The following CDH22 variants were observed in gnomAD, a reference collection of about 807,000 sequenced individuals.
CDH22 encodes cadherin 22.
In CDH22, 30 loss-of-function variants were observed where a neutral mutation model predicts 58.4. The ratio of observed to expected loss-of-function variants is 0.51; its 90% confidence interval spans 0.38 to 0.70. CDH22 has a LOEUF of 0.70. CDH22 is among the 30% of genes least tolerant of loss of function. The probability of loss-of-function intolerance (pLI) is 0.00; values close to 1 mark genes in which losing one functional copy is unlikely to be tolerated. For missense variants in CDH22, 1,014 were observed against 1,233.9 expected, an observed-to-expected ratio of 0.82 and a Z score of 2.67; for synonymous variants, 513 against 558.2, an observed-to-expected ratio of 0.92 and a Z score of 1.14.
chr20:46,255,598 C>T (rs1214831222), intron 1 of CDH22, among the ~76,000 whole-genome samples: 5 of 152,166 alleles, frequency 3.3e-5, no homozygotes, highest in Non-Finnish European at 4.4e-5. Context: ...GCCCTTCATA[C>T]CTCAGCCTAC....
chr20:46,214,977 A>G (rs1367648204), intron 5 of CDH22, among the ~76,000 whole-genome samples: 1 of 152,260 alleles, frequency 6.6e-6, no homozygotes, highest in Non-Finnish European at 1.5e-5. Flanking sequence ...TGTATGAATG[A>G]AAACCAGCAT....
intron 8 of CDH22, among the ~76,000 whole-genome samples, chr20:46,199,031 A>G (rs1174341506): frequency 6.6e-6 from 1 of 152,044 alleles, no homozygotes; most frequent in Non-Finnish European, 1.5e-5. Context: ...TGTTCTCCCT[A>G]TGAGGACAGA....
intron 4 of CDH22, among the ~76,000 whole-genome samples, chr20:46,221,374 G>T (rs1028972081): frequency 1.3e-5 from 2 of 148,154 alleles, no homozygotes; most frequent in African/African-American, 5.0e-5. Context: ...GCTTACTCAC[G>T]CATCTGAGCC....
At chr20:46,244,441 T>G (rs1043942061) in intron 2 of CDH22, among the ~76,000 whole-genome samples, 1 of 152,224 alleles carries the variant, frequency 6.6e-6, no homozygotes, top group Non-Finnish European at 1.5e-5. Context: ...CCTCTGGCTC[T>G]GCCCTAGGAA....
chr20:46,183,495 C>T (rs778658246), intron 10 of CDH22, among the ~76,000 whole-genome samples: 24 of 152,170 alleles, frequency 1.6e-4, no homozygotes, highest in Non-Finnish European at 2.8e-4. Flanking sequence ...GTGGTGCGAT[C>T]GTGGCTCAAT....
At chr20:46,264,787 C>T (rs2086450061) in intron 1 of CDH22, among the ~76,000 whole-genome samples, 3 of 152,032 alleles carry the variant, frequency 2.0e-5, no homozygotes, top group South Asian at 2.1e-4. Flanking sequence ...CCTGACCTCC[C>T]GTGCAAATTA....
rs536614609 is a variant in CDH22 at position 46,227,652 on chromosome 20, C to G, written c.551-25G>C. ...CCTGGGCCCGGGGGACCAAGCGAGA[C>G]AGGGGTCATCTGGGGCTGCGGAGCT... On this transcript the variant is annotated intron_variant, in intron 3 of 11. Coordinates refer to ENST00000537909, the MANE Select transcript of CDH22 (RefSeq NM_021248.3). 50 of 1,598,544 alleles carry G rather than the reference C, an allele frequency of 3.1e-5. No homozygotes were observed. In the East Asian group the frequency reaches 5.3e-4, roughly 17 times the overall value.
At chr20:46,260,682 C>T (rs1030259667) in intron 1 of CDH22, among the ~76,000 whole-genome samples, 12 of 152,230 alleles carry the variant, frequency 7.9e-5, no homozygotes, top group African/African-American at 2.9e-4. Flanking sequence ...GCTTGCACTT[C>T]CGGAGTCTGG....
intron 1 of CDH22, among the ~76,000 whole-genome samples, chr20:46,262,443 A>G (rs899602460): frequency 6.6e-6 from 1 of 152,040 alleles, no homozygotes; most frequent in East Asian, 1.9e-4. Flanking sequence ...ATGCTGCCGC[A>G]CAGGTCTTCA....
chr20:46,232,408 C>T (rs1432402531), intron 3 of CDH22, among the ~76,000 whole-genome samples: 1 of 152,290 alleles, frequency 6.6e-6, no homozygotes, highest in East Asian at 1.9e-4. Flanking sequence ...GGAGATAACA[C>T]TTTATCATTC....
chr20:46,277,428 C>G (rs1338271473), intron 1 of CDH22, among the ~76,000 whole-genome samples: 1 of 152,132 alleles, frequency 6.6e-6, no homozygotes, highest in Non-Finnish European at 1.5e-5. Flanking sequence ...CACACCACGT[C>G]TATTTTTGCA....
At chr20:46,213,222 G>A in intron 5 of CDH22, 34 bp from the exon 6 acceptor site, 2 of 1,590,044 alleles carry the variant, frequency 1.3e-6, no homozygotes, top group Non-Finnish European at 8.6e-7. Context: ...AGGGATGAAG[G>A]CAGCCCCTTC....
chr20:46,293,503 G>A (rs1354672618), intron 1 of CDH22, among the ~76,000 whole-genome samples: 1 of 151,992 alleles, frequency 6.6e-6, no homozygotes, highest in Non-Finnish European at 1.5e-5. Context: ...GGGTGGCTGG[G>A]GGTAGGGGGA....
chr20:46,265,207 C>T (rs2086453344), intron 1 of CDH22, among the ~76,000 whole-genome samples: 1 of 152,214 alleles, frequency 6.6e-6, no homozygotes, highest in South Asian at 2.1e-4. Context: ...TTCCATTTTA[C>T]AAACGCGTCC....
intron 8 of CDH22, among the ~76,000 whole-genome samples, chr20:46,197,816 G>A (rs1217855421): frequency 6.6e-6 from 1 of 152,144 alleles, no homozygotes; most frequent in Non-Finnish European, 1.5e-5. Context: ...GAGACGAAGG[G>A]AACTTCAGCC....
At position 46,181,609 on chromosome 20, in the gene CDH22, T is replaced by C. The variant is rs920889930; in HGVS notation, c.1664-3412A>G. On this transcript the variant is annotated intron_variant, in intron 10 of 11. Coordinates refer to ENST00000537909, the MANE Select transcript of CDH22 (RefSeq NM_021248.3). ...TCCTTCCCTTCCTTCCCTTCCTTCC[T>C]TCCCTCCCTCCCTCCCTCCCTTCCT... Among the ~76,000 whole-genome samples, 5 of 142,620 alleles carry C rather than the reference T, an allele frequency of 3.5e-5. No individual in the cohort carries two copies. In the South Asian group the frequency reaches 6.8e-4, roughly 19 times the overall value. 93.6% of individuals were successfully genotyped at this position (142,620 alleles called of 152,430 possible). A position where few individuals can be genotyped will look rare whatever the true frequency, so the allele number is the denominator to read the frequency against.
chr20:46,291,856 C>A (rs1005143546), intron 1 of CDH22, among the ~76,000 whole-genome samples: 1 of 152,196 alleles, frequency 6.6e-6, no homozygotes, highest in Non-Finnish European at 1.5e-5. Context: ...GCTGGATAAC[C>A]CTTTGTTGGT....
intron 1 of CDH22, among the ~76,000 whole-genome samples, chr20:46,277,192 G>A (rs1825282216): frequency 6.6e-6 from 1 of 151,976 alleles, no homozygotes; most frequent in South Asian, 2.1e-4. Flanking sequence ...GATTTAAGGG[G>A]TGGCACAAGT....
chr20:46,196,203 C>T (rs2145665980), intron 8 of CDH22, among the ~76,000 whole-genome samples: 1 of 152,258 alleles, frequency 6.6e-6, no homozygotes, highest in African/African-American at 2.4e-5. Flanking sequence ...GTTTCCTCAT[C>T]TGTAAAATGG....
Sources: allele counts gnomAD v4.1 joint callset (sites outside exome capture counted in the v4.1 genomes callset), GRCh38; gene constraint gnomAD v4.1.1; transcripts MANE v1.5; gene names NCBI Gene and HGNC (gene_info 2026-07-23, HGNC 2026-07-21).